The following TTF1 variants were observed in gnomAD, a reference collection of about 807,000 sequenced individuals.
TTF1 encodes transcription termination factor, RNA polymerase I.
In TTF1, 64 loss-of-function variants were observed where a neutral mutation model predicts 80.2. The observed-to-expected ratio is 0.80, with a 90% CI of 0.65 to 0.98. TTF1 has a LOEUF of 0.98. TTF1 is among the 50% of genes least tolerant of loss of function. TTF1 has a pLI of 0.00. For missense variants in TTF1, 1,023 were observed against 1,086.2 expected, an observed-to-expected ratio of 0.94 and a Z score of 0.82; for synonymous variants, 372 against 382.7, an observed-to-expected ratio of 0.97 and a Z score of 0.33.
chr9:132,389,244 G>A (rs984541169), intron 7 of TTF1, among the ~76,000 whole-genome samples: 45 of 149,234 alleles, frequency 3.0e-4, no homozygotes, highest in African/African-American at 7.0e-4. Context: ...GTGCAATGGC[G>A]TGATCTCGGC....
rs1051201889 is a variant in TTF1 at position 132,376,731 on chromosome 9, C to G, written c.2465-563G>C. On this transcript the variant is annotated intron_variant, in intron 10 of 10. Transcript: ENST00000334270. ...CAGCTGAAGTGCAGTGGTGCGATCA[C>G]ACTCACTGAAGCCTGGAACTCCCAG... is the stretch of plus-strand genomic sequence containing the variant. Among the ~76,000 whole-genome samples the G allele has an allele frequency of 5.3e-5, 8 of 150,392 alleles. No individual in the cohort carries two copies. The East Asian group carries it at 1.6e-3, about 29-fold the overall frequency.
In TTF1 at chr9:132,390,822, C is replaced by A. The variant is rs756664211; in HGVS notation, c.1997G>T (p.Arg666Leu). 1.9e-6 allele frequency: 3 copies of A among 1,613,740 alleles called. No individual in the cohort carries two copies. The highest frequency in any genetic ancestry group is 1.6e-4 in the Middle Eastern group (1 of 6,062). ...GGTTTCAGACTTACTCCAAGCACCA[C>A]GATTTCTTTCTGTAGATATAAAAAG... ...KFSQISSQRN[R>L]GAWSKSETRK... The change falls in exon 7 of 11, where the codon CGT becomes CTT. Residue 666 changes from arginine to leucine, a missense_variant. Physicochemically the swap from Arg to Leu is moderately radical, Grantham distance 102. Transcript: ENST00000334270.
Position 132,402,586 on chromosome 9 carries a change from G to C in TTF1, c.236C>G (p.Ala79Gly), listed in dbSNP as rs1305503905. 2.5e-6 allele frequency: 4 copies of C among 1,614,034 alleles called. No homozygotes were observed. In the Admixed American group the frequency reaches 5.0e-5, roughly 20 times the overall value. Residue 79 changes from alanine to glycine, a missense_variant, in exon 2 of 11, where the codon GCC (alanine) becomes GGC (glycine). Coordinates refer to ENST00000334270, the MANE Select transcript of TTF1 (RefSeq NM_007344.4). The part of the protein sequence containing the change: ...KSRICDETAN[A>G]TSTLKKRKKR... The stretch of plus-strand genomic sequence containing the variant: ...TTTTCTCTTTTTGAGTGTGGAAGTG[G>C]CATTTGCAGTCTCATCACAGATTCT...
Position 132,400,089 on chromosome 9 carries a change from T to C in TTF1, c.1537A>G (p.Ile513Val). ...PNIKDRATST[I>V]KRMYRDDLER... is the part of the protein sequence containing the mutation. ...AAGTCGTCCCGGTACATCCGCTTGATTGTGCTGGTGGCCCTGTCCTTGATG... is the reference window on the plus strand; with the variant it reads ...AAGTCGTCCCGGTACATCCGCTTGACTGTGCTGGTGGCCCTGTCCTTGATG... Residue 513 changes from isoleucine (I) to valine (V), a missense_variant, in exon 3 of 11, where the codon ATC becomes GTC. Coordinates refer to ENST00000334270, the MANE Select transcript of TTF1 (RefSeq NM_007344.4). 6.2e-7 allele frequency: 1 copy of C among 1,614,202 alleles called. No homozygotes were observed. Among genetic ancestry groups the C allele is most frequent in the Non-Finnish European group, 8.5e-7 (1 of 1,180,040 alleles).
intron 3 of TTF1, among the ~76,000 whole-genome samples, chr9:132,398,826 G>GCAATTCTCTTGCCTTGGCCTCC (rs1253039747): frequency 2.6e-5 from 4 of 152,162 alleles, no homozygotes; most frequent in African/African-American, 4.8e-5. Flanking sequence ...CAGGCCTCAA[G>GCAATTCTCTTGCCTTGGCCTCC]CAATTCTCTT....
chr9:132,395,834 CCTT>C, intron 5 of TTF1, among the ~76,000 whole-genome samples: 1 of 152,308 alleles, frequency 6.6e-6, no homozygotes, highest in Non-Finnish European at 1.5e-5. Flanking sequence ...TCCTGCTTCT[CCTT>C]CTGTCCCTGA....
chr9:132,399,068 A>G (rs1849709047), intron 3 of TTF1, among the ~76,000 whole-genome samples: 3 of 151,804 alleles, frequency 2.0e-5, no homozygotes, highest in Non-Finnish European at 4.4e-5. Flanking sequence ...GCTTGGTGGC[A>G]GGCGCCTGTA....
intron 1 of TTF1, among the ~76,000 whole-genome samples, chr9:132,406,192 TTC>T (rs1849862946): frequency 6.6e-6 from 1 of 152,140 alleles, no homozygotes; most frequent in South Asian, 2.1e-4. Flanking sequence ...TGGTCCCGGA[TTC>T]TCTCACCGCC....
In TTF1 at chr9:132,386,628, G is replaced by T; in HGVS notation, c.2313-7C>A. 6.2e-7 allele frequency: 1 copy of T among 1,606,138 alleles called. No homozygotes were observed. The highest frequency in any genetic ancestry group is 2.2e-5 in the East Asian group (1 of 44,824). ...CACATTTATTTCATACAACCTGTGAGAAAAAATAAAAATTAAATTTTCAAG... is the reference window on the plus strand; with the variant it reads ...CACATTTATTTCATACAACCTGTGATAAAAAATAAAAATTAAATTTTCAAG... On this transcript the variant is annotated splice_polypyrimidine_tract_variant and splice_region_variant and intron_variant, in intron 8 of 10. Transcript: ENST00000334270.
At chr9:132,378,967 C>CT (rs1849316557) in intron 10 of TTF1, 92 bp downstream of exon 10, 2 of 921,554 alleles carry the variant, frequency 2.2e-6, no homozygotes, top group Non-Finnish European at 3.3e-6. Context: ...AGCTGAGGCT[C>CT]TAAGTCCAGT....
Position 132,375,873 on chromosome 9 carries a change from G to C in TTF1, c.*42C>G. On this transcript the variant is annotated 3_prime_UTR_variant, in exon 11 of 11. Transcript: ENST00000334270. The stretch of plus-strand genomic sequence containing the variant: ...AATTTTTGCATTTTTAATAGTGACA[G>C]GTCTTCACCATGTTGGTCAGGCCGG... The C allele has an allele frequency of 1.6e-6, 2 of 1,231,910 alleles. No individual in the cohort carries two copies. The highest frequency in any genetic ancestry group is 2.3e-6 in the Non-Finnish European group (2 of 873,686). 76.3% of individuals were successfully genotyped at this position (1,231,910 alleles called of 1,614,324 possible). A position where few individuals can be genotyped will look rare whatever the true frequency, so the allele number is the denominator to read the frequency against.
intron 1 of TTF1, among the ~76,000 whole-genome samples, chr9:132,404,236 C>T (rs1050182877): frequency 6.6e-6 from 1 of 152,162 alleles, no homozygotes; most frequent in Non-Finnish European, 1.5e-5. Flanking sequence ...TCCTGGAGCT[C>T]TCTCTATATC....
At chr9:132,406,157 C>T (rs1452665290) in intron 1 of TTF1, among the ~76,000 whole-genome samples, 2 of 152,184 alleles carry the variant, frequency 1.3e-5, no homozygotes, top group African/African-American at 4.8e-5. Flanking sequence ...ATACACTTCC[C>T]GCTCTGCAGG....
At chr9:132,386,169 C>T (rs964386966) in intron 9 of TTF1, among the ~76,000 whole-genome samples, 3 of 152,062 alleles carry the variant, frequency 2.0e-5, no homozygotes, top group Non-Finnish European at 4.4e-5. Flanking sequence ...CACTGGAAAA[C>T]TGAAATAGGA....
chr9:132,377,679 A>C (rs1849241125), intron 10 of TTF1, among the ~76,000 whole-genome samples: 1 of 88,054 alleles, frequency 1.1e-5, no homozygotes. Flanking sequence ...GTGGTGTGTG[A>C]ATGCATGTGG....
In TTF1 at chr9:132,402,554, T is replaced by G; in HGVS notation, c.268A>C (p.Arg90=). 6 of 1,614,216 alleles carry G rather than the reference T, an allele frequency of 3.7e-6. No homozygotes were observed. The highest frequency in any genetic ancestry group is 5.1e-6 in the Non-Finnish European group (6 of 1,180,046). The change falls in exon 2 of 11, where the codon AGA becomes CGA. Residue 90 remains arginine (R), a synonymous_variant. Transcript: ENST00000334270. ...TSTLKKRKKR[R]YSALEVDEEA... is the part of the protein sequence containing the mutation. ...TCGTCCACCTCCAAAGCACTATATC[T>G]TCTCTTTTTTCTCTTTTTGAGTGTG...
chr9:132,406,500 G>T (rs188107081), intron 1 of TTF1, among the ~76,000 whole-genome samples: 2 of 152,074 alleles, frequency 1.3e-5, no homozygotes, highest in East Asian at 3.9e-4. Context: ...TACTCGGGAG[G>T]CTGAGGCAGG....
chr9:132,376,639 A>G (rs1849181983), intron 10 of TTF1, among the ~76,000 whole-genome samples: 1 of 151,884 alleles, frequency 6.6e-6, no homozygotes, highest in Admixed American at 6.6e-5. Context: ...GTAGGTCTGA[A>G]ATGAGGCCCA....
At chr9:132,377,637 C>T (rs762271047) in intron 10 of TTF1, among the ~76,000 whole-genome samples, 1,124 of 4,368 alleles carry the variant, frequency 0.26, 191 homozygotes, top group Middle Eastern at 0.5. Flanking sequence ...GCATGTGGTG[C>T]GTGTGAATGC....
Sources: allele counts gnomAD v4.1 joint callset (sites outside exome capture counted in the v4.1 genomes callset), GRCh38; gene constraint gnomAD v4.1.1; transcripts MANE v1.5; gene names NCBI Gene and HGNC (gene_info 2026-07-23, HGNC 2026-07-21).